Variants in MAPK8 observed in about 807,000 individuals in gnomAD.
The protein encoded by MAPK8 is JUN N-terminal kinase.
A neutral mutation model predicts 52.9 loss-of-function variants in MAPK8; 13 were observed. The ratio of observed to expected loss-of-function variants is 0.25; its 90% confidence interval spans 0.16 to 0.39. The LOEUF (loss-of-function observed/expected upper bound fraction) is 0.39, where lower values mean the gene tolerates loss of function less well. Among genes scored for constraint, MAPK8 ranks in the 10% least tolerant of loss-of-function variants. MAPK8 has a pLI of 1.00. For synonymous variants in MAPK8, 191 were observed against 169.8 expected (o/e 1.12, Z -0.97); for missense variants, 300 against 519.2 (o/e 0.58, Z 4.10).
At chr10:48,401,504 C>T (rs531587635) in intron 1 of MAPK8, 108 bp from the exon 2 acceptor site, 243 of 604,568 alleles carry the variant, frequency 4.0e-4, no homozygotes, top group Non-Finnish European at 4.3e-4. Context: ...CAGCTCTTTT[C>T]ATGATCTAGC....
chr10:48,358,492 T>C (rs1462446659), intron 1 of MAPK8, among the ~76,000 whole-genome samples: 1 of 152,220 alleles, frequency 6.6e-6, no homozygotes, highest in Non-Finnish European at 1.5e-5. Flanking sequence ...GTAAGAGTTC[T>C]TTCCTGTTTT....
chr10:48,351,272 A>ATTTTTTT (rs66660207), intron 1 of MAPK8, among the ~76,000 whole-genome samples: 13 of 129,508 alleles, frequency 1.0e-4, no homozygotes, highest in East Asian at 2.2e-4. Context: ...ATAACTTTGA[A>ATTTTTTT]TTTTTTTTTT....
chr10:48,378,243 CAGTG>C (rs943324241), intron 1 of MAPK8, among the ~76,000 whole-genome samples: 7 of 152,078 alleles, frequency 4.6e-5, no homozygotes, highest in African/African-American at 1.7e-4. Context: ...GGAAATGTCT[CAGTG>C]AGGAATTTTA....
chr10:48,426,929 A>G (rs1324563213), intron 9 of MAPK8, 151 bp from the exon 10 acceptor site: 2 of 584,924 alleles, frequency 3.4e-6, no homozygotes, highest in African/African-American at 3.7e-5. Flanking sequence ...TTCCTAAACT[A>G]TTATGTCTGT....
chr10:48,311,737 A>G (rs992833580), intron 1 of MAPK8, among the ~76,000 whole-genome samples: 1 of 152,168 alleles, frequency 6.6e-6, no homozygotes, highest in Non-Finnish European at 1.5e-5. Context: ...ATTTATTAGT[A>G]CCACTTAGAA....
At chr10:48,418,299 A>G (rs1258414781) in intron 5 of MAPK8, among the ~76,000 whole-genome samples, 1 of 152,094 alleles carries the variant, frequency 6.6e-6, no homozygotes, top group Admixed American at 6.6e-5. Flanking sequence ...AATAATTAAC[A>G]CCCCACCTCT....
chr10:48,416,619 C>T (rs1357731928), intron 5 of MAPK8, among the ~76,000 whole-genome samples: 1 of 152,194 alleles, frequency 6.6e-6, no homozygotes, highest in Non-Finnish European at 1.5e-5. Flanking sequence ...AACCACTGCT[C>T]CCCTGCCAAA....
intron 1 of MAPK8, among the ~76,000 whole-genome samples, chr10:48,385,615 T>A (rs1362692937): frequency 2.0e-5 from 3 of 151,142 alleles, no homozygotes; most frequent in Non-Finnish European, 4.4e-5. Flanking sequence ...AAAAATGAGT[T>A]TTTTTTTTAA....
At chr10:48,338,832 A>AAC (rs1844953878) in intron 1 of MAPK8, among the ~76,000 whole-genome samples, 1 of 151,300 alleles carries the variant, frequency 6.6e-6, no homozygotes, top group Admixed American at 6.6e-5. Context: ...GACACACACA[A>AAC]ACACACACAC....
At chr10:48,412,300 A>C (rs2042799997) in intron 5 of MAPK8, among the ~76,000 whole-genome samples, 1 of 152,188 alleles carries the variant, frequency 6.6e-6, no homozygotes, top group Admixed American at 6.5e-5. Flanking sequence ...CGCTTTCAAC[A>C]GTTTGATTAT....
chr10:48,435,059 T>TGGCTG lies in MAPK8; in HGVS notation c.*32_*33insCTGGG. On this transcript the variant is annotated 3_prime_UTR_variant, in exon 12 of 12. Transcript: ENST00000374189. ...TTGGGCCATCGGGGGGTGGGAGGGA[T>TGGCTG]GGGGAGTCGGTTAGTCATTGATAGA... The TGGCTG allele has an allele frequency of 2.2e-6, 1 of 448,002 alleles. No individual in the cohort carries two copies. 27.8% of individuals were successfully genotyped at this position (448,002 alleles called of 1,614,324 possible). A position where few individuals can be genotyped will look rare whatever the true frequency, so the allele number is the denominator to read the frequency against.
intron 1 of MAPK8, among the ~76,000 whole-genome samples, chr10:48,398,867 G>A (rs113557198): frequency 0.058 from 8,838 of 152,242 alleles, 610 homozygotes; most frequent in Admixed American, 0.21. Context: ...AGAGAGTGGA[G>A]ATTGACCATA....
rs114900312 is a variant in MAPK8, at chr10:48,309,714, G to C, written c.-50+2893G>C. Reference sequence around the variant, plus strand: ...ATAGGAGCCTGCTTCTTGTTGGTCTGCTTTGCCAGCGGGTTGAATTTTGAC... The same window carrying C: ...ATAGGAGCCTGCTTCTTGTTGGTCTCCTTTGCCAGCGGGTTGAATTTTGAC... On this transcript the variant is annotated intron_variant, in intron 1 of 11. Coordinates refer to ENST00000374189, the MANE Select transcript of MAPK8 (RefSeq NM_001323329.2). Among the ~76,000 whole-genome samples the C allele has an allele frequency of 6.9e-3, 1,057 of 152,294 alleles. 15 individuals are homozygous for C. Among genetic ancestry groups the C allele is most frequent in the African/African-American group, 0.023 (954 of 41,560 alleles).
intron 1 of MAPK8, among the ~76,000 whole-genome samples, chr10:48,395,815 G>C (rs1487586970): frequency 6.6e-6 from 1 of 152,062 alleles, no homozygotes; most frequent in African/African-American, 2.4e-5. Flanking sequence ...TAAAAGTCCA[G>C]AAGTAGACCC....
chr10:48,385,706 T>C (rs1012077987), intron 1 of MAPK8, among the ~76,000 whole-genome samples: 5 of 152,182 alleles, frequency 3.3e-5, no homozygotes, highest in African/African-American at 1.2e-4. Flanking sequence ...TTTCTAGAGA[T>C]TGATACAGGT....
chr10:48,326,474 C>T (rs1408375688), intron 1 of MAPK8, among the ~76,000 whole-genome samples: 2 of 152,018 alleles, frequency 1.3e-5, no homozygotes, highest in African/African-American at 4.8e-5. Flanking sequence ...TGGGATCAGC[C>T]GTTTCTCTAA....
intron 1 of MAPK8, among the ~76,000 whole-genome samples, chr10:48,373,218 TAGG>T (rs1474081764): frequency 6.6e-6 from 1 of 152,010 alleles, no homozygotes; most frequent in African/African-American, 2.4e-5. Flanking sequence ...GCCTGCCTTA[TAGG>T]AGCTCCTGAA....
chr10:48,401,361 A>G (rs1435226992), intron 1 of MAPK8, among the ~76,000 whole-genome samples: 4 of 152,158 alleles, frequency 2.6e-5, no homozygotes, highest in Non-Finnish European at 2.9e-5. Flanking sequence ...TTAATGTATT[A>G]ATACTGGTAA....
At chr10:48,369,197 C>T (rs1848332217) in intron 1 of MAPK8, among the ~76,000 whole-genome samples, 1 of 152,154 alleles carries the variant, frequency 6.6e-6, no homozygotes, top group Non-Finnish European at 1.5e-5. Flanking sequence ...GGAAGGGGAC[C>T]TCTTTAAGAG....
Sources: allele counts gnomAD v4.1 joint callset (sites outside exome capture counted in the v4.1 genomes callset), GRCh38; gene constraint gnomAD v4.1.1; transcripts MANE v1.5; gene names NCBI Gene and HGNC (gene_info 2026-07-23, HGNC 2026-07-21).